ZNF646: variants seen among roughly 807,000 people sequenced by gnomAD.
The protein encoded by ZNF646 is zinc finger protein 646.
ZNF646 carries 49 observed loss-of-function variants against 115.4 expected under a neutral mutation model. The ratio of observed to expected loss-of-function variants is 0.42; its 90% CI spans 0.34 to 0.54. The LOEUF is 0.54. Among genes scored for constraint, ZNF646 ranks in the 20% least tolerant of loss-of-function variants. ZNF646 has a pLI of 0.04. For synonymous variants in ZNF646, 933 were observed against 939.0 expected, an observed-to-expected ratio of 0.99 and a Z score of 0.12; for missense variants, 2,269 against 2,457.9, an observed-to-expected ratio of 0.92 and a Z score of 1.62.
rs752004396 is a variant in ZNF646, at chr16:31,079,022, C to T, written c.2698C>T (p.Arg900Trp). 5.7e-5 allele frequency: 90 copies of T among 1,587,134 alleles called. No individual in the cohort carries two copies. Among genetic ancestry groups the T allele is most frequent in the Non-Finnish European group, 7.0e-5 (81 of 1,164,574 alleles). The change falls in exon 2 of 3, where the codon CGG (arginine) becomes TGG (tryptophan). Residue 900 changes from arginine (R) to tryptophan (W), a missense_variant. Around this residue, in one of 5 missense-constraint regions of ZNF646, gnomAD observed 852 missense variants for 900.2 expected, o/e 0.95. Coordinates refer to ENST00000300850, the MANE Select transcript of ZNF646 (RefSeq NM_014699.4). This position sits in a 1 kb window ranked among gnomAD's most constrained non-coding sequence, Gnocchi z 5.5. ...FPGRAGYRLH[R>W]RQAHSSSGMT... ...TGGGCGGGCTGGCTACAGGCTTCACCGGCGCCAGGCCCACAGCTCCTCTGG... is the reference window on the plus strand; with the variant it reads ...TGGGCGGGCTGGCTACAGGCTTCACTGGCGCCAGGCCCACAGCTCCTCTGG...
chr16:31,075,103 C>A (rs1567404627), intron 1 of ZNF646, among the ~76,000 whole-genome samples: 1 of 151,984 alleles, frequency 6.6e-6, no homozygotes, highest in Non-Finnish European at 1.5e-5. Flanking sequence ...TCATGAGTTG[C>A]TGTCATCATC....
chr16:31,075,332 C>T (rs1275342217), intron 1 of ZNF646, among the ~76,000 whole-genome samples: 1 of 152,158 alleles, frequency 6.6e-6, no homozygotes, highest in Admixed American at 6.5e-5. Flanking sequence ...GAGTCTCGCT[C>T]TGTCACCCAG....
Position 31,079,636 on chromosome 16 carries a change from C to T in ZNF646, c.3312C>T (p.Cys1104=). The part of the protein sequence containing the change: ...YRNHLRNHPR[C]KGSEPQVGPI... The stretch of plus-strand genomic sequence containing the variant: ...ATCATCTGCGGAACCACCCTCGCTG[C>T]AAAGGCTCTGAGCCCCAGGTTGGGC... The change falls in exon 2 of 3, where the codon TGC becomes TGT. Residue 1104 remains cysteine, a synonymous_variant. Coordinates refer to ENST00000300850, the MANE Select transcript of ZNF646 (RefSeq NM_014699.4). The surrounding 1 kb of genome is among the most constrained non-coding windows in gnomAD (Gnocchi z 5.5). 6.2e-7 allele frequency: 1 copy of T among 1,613,392 alleles called. No individual in the cohort carries two copies.
At position 31,081,359 on chromosome 16, in the gene ZNF646, T is replaced by C; in HGVS notation, c.5035T>C (p.Cys1679Arg). 1 of 1,613,714 alleles carries C rather than the reference T, an allele frequency of 6.2e-7. No homozygotes were observed. Among genetic ancestry groups the C allele is most frequent in the East Asian group, 2.2e-5 (1 of 44,866 alleles). Reference sequence around the variant, plus strand: ...TGAGGACAAGGAGCGGCCCTTCCGCTGCACCCAGTGCGGGCGCTCCTACCG... The same window carrying C: ...TGAGGACAAGGAGCGGCCCTTCCGCCGCACCCAGTGCGGGCGCTCCTACCG... ...AAEDKERPFR[C>R]TQCGRSYRHA... is the part of the protein sequence containing the mutation. The change falls in exon 2 of 3, where the codon TGC becomes CGC. Residue 1679 changes from cysteine to arginine, a missense_variant. Coordinates refer to ENST00000300850, the MANE Select transcript of ZNF646 (RefSeq NM_014699.4).
rs774545038 is a variant in ZNF646 at position 31,077,656 on chromosome 16, G to C, written c.1332G>C (p.Leu444=). ...CATCAGTCCCACCAGCTCCCCTGCT[G>C]CTGGCTGAGACCACCCACAAAGAGG... The part of the protein sequence containing the change: ...GQPSVPPAPL[L]LAETTHKEEE... The change falls in exon 2 of 3, where the codon CTG becomes CTC. Residue 444 remains leucine, a synonymous_variant. Transcript: ENST00000300850. 1.9e-6 allele frequency: 3 copies of C among 1,614,032 alleles called. No individual in the cohort carries two copies. In the Admixed American group the frequency reaches 5.0e-5, roughly 27 times the overall value.
Position 31,078,548 on chromosome 16 carries a change from G to C in ZNF646, c.2224G>C (p.Glu742Gln), listed in dbSNP as rs1478059521. The change falls in exon 2 of 3, where the codon GAG becomes CAG. Residue 742 changes from glutamate to glutamine, a missense_variant. Glu to Gln is a conservative substitution (Grantham distance 29). This residue lies in a region of ZNF646 where 852 missense variants were observed against 900.2 expected (regional missense o/e 0.95). Coordinates refer to ENST00000300850, the MANE Select transcript of ZNF646 (RefSeq NM_014699.4). ...AESEGDKCGL[E>Q]RDETHFQGDK... ...ATCTGAAGGGGACAAATGTGGGCTT[G>C]AGAGGGATGAGACCCATTTCCAGGG... 2 of 1,601,518 alleles carry C rather than the reference G, an allele frequency of 1.2e-6. No homozygotes were observed. Among genetic ancestry groups the C allele is most frequent in the Non-Finnish European group, 1.7e-6 (2 of 1,171,296 alleles).
chr16:31,075,678 TG>T lies in ZNF646; in HGVS notation c.-79-563del, dbSNP rs1361680114. ...GTGACACTGAAATGACTCGGGGTGGTGGGGGAACAAGCCAGCCCTTTCCCTG... is the reference window on the plus strand; with the variant it reads ...GTGACACTGAAATGACTCGGGGTGGTGGGGAACAAGCCAGCCCTTTCCCTG... On this transcript the variant is annotated intron_variant, in intron 1 of 2. Transcript: ENST00000300850. Among the ~76,000 whole-genome samples the T allele has an allele frequency of 5.3e-5, 8 of 152,168 alleles. No homozygotes were observed. In the East Asian group the frequency reaches 1.5e-3, roughly 29 times the overall value.
At chr16:31,082,923 T>C (rs748506464) in intron 2 of ZNF646, 48 bp from the exon 3 acceptor site, 1 of 1,549,284 alleles carries the variant, frequency 6.5e-7, no homozygotes, top group South Asian at 1.2e-5. Flanking sequence ...GTACACGCTG[T>C]GCGGGGTCTG....
rs762906939 is a variant in ZNF646 at position 31,080,336 on chromosome 16, C to T, written c.4012C>T (p.Arg1338Cys). Residue 1338 changes from arginine to cysteine, a missense_variant, in exon 2 of 3, where the codon CGC becomes TGC. Transcript: ENST00000300850. ...CACCTGCCCCAAGACCTACTCCAAC[C>T]GCATGGCCCTGAAGGACCACCAGAG... ...CPTCPKTYSN[R>C]MALKDHQRLH... The T allele has an allele frequency of 2.2e-5, 35 of 1,613,490 alleles. No individual in the cohort carries two copies. The highest frequency in any genetic ancestry group is 1.0e-4 in the Admixed American group (6 of 60,008).
At position 31,083,471 on chromosome 16, in the gene ZNF646, A is replaced by T; in HGVS notation, c.*379A>T. ...TAACAATTTATTTAAGTTTAAAAAA[A>T]GGAAAACTGCTGCCCCCCAAAAAAA... On this transcript the variant is annotated 3_prime_UTR_variant, in exon 3 of 3. Transcript: ENST00000300850. 7.6e-7 allele frequency: 1 copy of T among 1,318,380 alleles called. No individual in the cohort carries two copies. The highest frequency in any genetic ancestry group is 9.7e-7 in the Non-Finnish European group (1 of 1,027,672). 81.7% of individuals were successfully genotyped at this position (1,318,380 alleles called of 1,614,324 possible).
intron 1 of ZNF646, 55 bp from the exon 2 acceptor site, chr16:31,076,191 C>G: frequency 1.6e-6 from 2 of 1,253,380 alleles, no homozygotes; most frequent in South Asian, 3.3e-5. Context: ...GCTCGTAGAG[C>G]CAAGAGGCGA....
intron 1 of ZNF646, among the ~76,000 whole-genome samples, chr16:31,075,258 C>A (rs2057062048): frequency 6.6e-6 from 1 of 152,088 alleles, no homozygotes; most frequent in Non-Finnish European, 1.5e-5. Context: ...AGTTTGAGTT[C>A]AAGGGAAGTA....
chr16:31,081,014 A>G lies in ZNF646; in HGVS notation c.4690A>G (p.Lys1564Glu). The G allele has an allele frequency of 1.2e-6, 2 of 1,614,050 alleles. No individual in the cohort carries two copies. The highest frequency in any genetic ancestry group is 2.2e-5 in the East Asian group (1 of 44,888). The change falls in exon 2 of 3, where the codon AAG becomes GAG. Residue 1564 changes from lysine (K) to glutamate (E), a missense_variant. This residue lies in a region of ZNF646 where 1,062 missense variants were observed against 1,172.8 expected (regional missense o/e 0.91). Coordinates refer to ENST00000300850, the MANE Select transcript of ZNF646 (RefSeq NM_014699.4). Reference sequence around the variant, plus strand: ...CCGACACTATTGCCTGCTCTGCTCCAAGGAGTTCTTAAATCCTGTGGCCAC... The same window carrying G: ...CCGACACTATTGCCTGCTCTGCTCCGAGGAGTTCTTAAATCCTGTGGCCAC... ...TDRHYCLLCS[K>E]EFLNPVATKS... is the part of the protein sequence containing the mutation.
rs1407077490 is a variant in ZNF646, at chr16:31,082,988, G to C, written c.5395G>C (p.Val1799Leu). Residue 1799 changes from valine to leucine, a missense_variant, in exon 3 of 3, where the codon GTG becomes CTG. Coordinates refer to ENST00000300850, the MANE Select transcript of ZNF646 (RefSeq NM_014699.4). ...VAGSGAPVAP[V>L]TGRGDLPLPP... The stretch of plus-strand genomic sequence containing the variant: ...CCCCCCAGGAGCCCCAGTGGCACCA[G>C]TGACGGGCAGAGGGGACTTGCCATT... The C allele has an allele frequency of 6.2e-7, 1 of 1,600,208 alleles. No individual in the cohort carries two copies. Among genetic ancestry groups the C allele is most frequent in the Non-Finnish European group, 8.5e-7 (1 of 1,173,506 alleles).
Position 31,077,859 on chromosome 16 carries a change from G to C in ZNF646, c.1535G>C (p.Arg512Pro), listed in dbSNP as rs1242965292. Residue 512 changes from arginine (R) to proline (P), a missense_variant, in exon 2 of 3, where the codon CGG becomes CCG. By Grantham distance (103) the Arg-to-Pro change is moderately radical (BLOSUM62 -2). Around this residue, in one of 5 missense-constraint regions of ZNF646, gnomAD observed 852 missense variants for 900.2 expected, o/e 0.95. Transcript: ENST00000300850. ...CTCATGGCCCTGCGCAACCACGTGC[G>C]GGTACATTGCAAGGCTGCTCGCCGA... ...PNLMALRNHV[R>P]VHCKAARRSA... 3.1e-6 allele frequency: 5 copies of C among 1,613,772 alleles called. No individual in the cohort carries two copies. Among genetic ancestry groups the C allele is most frequent in the Non-Finnish European group, 4.2e-6 (5 of 1,180,034 alleles).
At position 31,079,255 on chromosome 16, in the gene ZNF646, C is replaced by T. The variant is rs745853023; in HGVS notation, c.2931C>T (p.His977=). The T allele has an allele frequency of 2.5e-6, 4 of 1,613,942 alleles. No homozygotes were observed. The highest frequency in any genetic ancestry group is 1.6e-4 in the Middle Eastern group (1 of 6,062). The change falls in exon 2 of 3, where the codon CAC becomes CAT. Residue 977 remains histidine (H), a synonymous_variant. Coordinates refer to ENST00000300850, the MANE Select transcript of ZNF646 (RefSeq NM_014699.4). The surrounding 1 kb of genome is among the most constrained non-coding windows in gnomAD (Gnocchi z 5.5). The part of the protein sequence containing the change: ...YDDLGSLERH[H]QSQSSGTTAD... ...ACCTGGGGAGCCTGGAGCGTCACCACCAAAGTCAGAGTTCTGGGACTACTG... is the reference window on the plus strand; with the variant it reads ...ACCTGGGGAGCCTGGAGCGTCACCATCAAAGTCAGAGTTCTGGGACTACTG...
In ZNF646 at chr16:31,083,208, G is replaced by A. The variant is rs2057188302; in HGVS notation, c.*116G>A. Reference sequence around the variant, plus strand: ...TCCCCATATCTTCTCCTCTCCCCTTGTGAAGAGGACCCAGATCTGGCTTCT... The same window carrying A: ...TCCCCATATCTTCTCCTCTCCCCTTATGAAGAGGACCCAGATCTGGCTTCT... On this transcript the variant is annotated 3_prime_UTR_variant, in exon 3 of 3. Transcript: ENST00000300850. 1.4e-6 allele frequency: 2 copies of A among 1,433,778 alleles called. No individual in the cohort carries two copies. Among genetic ancestry groups the A allele is most frequent in the Admixed American group, 2.7e-5 (1 of 37,040 alleles). The allele number at this position is 1,433,778 out of a possible 1,614,324, so 88.8% of individuals were successfully genotyped here. A position where few individuals can be genotyped will look rare whatever the true frequency, so the allele number is the denominator to read the frequency against.
Position 31,083,203 on chromosome 16 carries a change from C to T in ZNF646, c.*111C>T. ...GGGCATCCCCATATCTTCTCCTCTCCCCTTGTGAAGAGGACCCAGATCTGG... is the reference window on the plus strand; with the variant it reads ...GGGCATCCCCATATCTTCTCCTCTCTCCTTGTGAAGAGGACCCAGATCTGG... On this transcript the variant is annotated 3_prime_UTR_variant, in exon 3 of 3. Coordinates refer to ENST00000300850, the MANE Select transcript of ZNF646 (RefSeq NM_014699.4). The T allele has an allele frequency of 6.9e-7, 1 of 1,453,128 alleles. No homozygotes were observed. The highest frequency in any genetic ancestry group is 9.1e-7 in the Non-Finnish European group (1 of 1,093,170). The allele number at this position is 1,453,128 out of a possible 1,614,324, so 90.0% of individuals were successfully genotyped here.
chr16:31,083,177 C>G lies in ZNF646; in HGVS notation c.*85C>G. The G allele has an allele frequency of 6.6e-7, 1 of 1,516,132 alleles. No homozygotes were observed. The allele number at this position is 1,516,132 out of a possible 1,614,324, so 93.9% of individuals were successfully genotyped here. On this transcript the variant is annotated 3_prime_UTR_variant, in exon 3 of 3. Transcript: ENST00000300850. ...TCTCCACATTTTCTCAGGAGTAGTT[C>G]GGGCATCCCCATATCTTCTCCTCTC...
Sources: allele counts gnomAD v4.1 joint callset (sites outside exome capture counted in the v4.1 genomes callset), GRCh38; gene constraint gnomAD v4.1.1; regional missense constraint gnomAD v4.1.1; non-coding constraint Gnocchi (gnomAD v3.1); transcripts MANE v1.5; gene names NCBI Gene and HGNC (gene_info 2026-07-23, HGNC 2026-07-21).